Variants in PAPPA2 observed in about 807,000 individuals in gnomAD.
PAPPA2 encodes pappalysin-2.
A neutral mutation model predicts 176.4 loss-of-function variants in PAPPA2; 86 were observed. That is an observed-to-expected ratio of 0.49 (90% CI 0.41 to 0.58). PAPPA2 has a LOEUF of 0.58. PAPPA2 is among the 20% of genes least tolerant of loss of function. The pLI is 0.00. For missense variants in PAPPA2, 2,073 were observed against 2,256.9 expected (o/e 0.92, Z 1.65); for synonymous variants, 809 against 852.2 (o/e 0.95, Z 0.88).
intron 1 of PAPPA2, among the ~76,000 whole-genome samples, chr1:176,511,251 A>T (rs904098099): frequency 6.6e-6 from 1 of 152,162 alleles, no homozygotes; most frequent in African/African-American, 2.4e-5. Context: ...AGAAAAAAGG[A>T]CTTTTCAGAA....
intron 21 of PAPPA2, among the ~76,000 whole-genome samples, chr1:176,833,315 C>T (rs1667149304): frequency 6.6e-6 from 1 of 152,192 alleles, no homozygotes; most frequent in African/African-American, 2.4e-5. Flanking sequence ...CCCAAGTGAG[C>T]CAAGCTACCT....
intron 21 of PAPPA2, among the ~76,000 whole-genome samples, chr1:176,815,727 G>T (rs946756329): frequency 2.0e-5 from 3 of 152,106 alleles, no homozygotes. Context: ...ACACGTGCAA[G>T]ATCTACACTG....
At chr1:176,796,687 C>G (rs1488638167) in intron 20 of PAPPA2, among the ~76,000 whole-genome samples, 3 of 120,166 alleles carry the variant, frequency 2.5e-5, no homozygotes, top group Admixed American at 8.4e-5. Context: ...TTTTCTTTTT[C>G]TTTTCTTTCT....
intron 1 of PAPPA2, among the ~76,000 whole-genome samples, chr1:176,520,305 C>T (rs1343577787): frequency 6.6e-6 from 1 of 152,144 alleles, no homozygotes; most frequent in African/African-American, 2.4e-5. Context: ...AAATGTTCAC[C>T]CTCTTAGCTT....
At chr1:176,473,880 T>G (rs1435660115) in intron 1 of PAPPA2, among the ~76,000 whole-genome samples, 1 of 152,180 alleles carries the variant, frequency 6.6e-6, no homozygotes, top group Non-Finnish European at 1.5e-5. Flanking sequence ...CTAATCTCAT[T>G]GTGTTTTACC....
chr1:176,668,468 G>A (rs1658792472), intron 3 of PAPPA2, among the ~76,000 whole-genome samples: 1 of 152,132 alleles, frequency 6.6e-6, no homozygotes, highest in South Asian at 2.1e-4. Flanking sequence ...CATTTCTGAA[G>A]CAAGGTGCTA....
At chr1:176,572,659 A>T (rs951407887) in intron 2 of PAPPA2, among the ~76,000 whole-genome samples, 6 of 152,200 alleles carry the variant, frequency 3.9e-5, no homozygotes, top group Non-Finnish European at 8.8e-5. Flanking sequence ...AGGTATTATT[A>T]AGTGAATATG....
At position 176,547,202 on chromosome 1, in the gene PAPPA2, A is replaced by G. The variant is rs1650682900; in HGVS notation, c.-916-8205A>G. 1.3e-5 allele frequency among the ~76,000 whole-genome samples: 2 copies of G among 152,164 alleles called. 1 individual carries two copies. Among genetic ancestry groups the G allele is most frequent in the Non-Finnish European group, 2.9e-5 (2 of 68,040 alleles). On this transcript the variant is annotated intron_variant, in intron 1 of 22. Transcript: ENST00000367662. ...ATAGAAACTTTATGTCAGCCTGTTC[A>G]TATAGCTCATCTGAAAAGACTCAGC...
intron 3 of PAPPA2, among the ~76,000 whole-genome samples, chr1:176,639,863 A>G (rs984328980): frequency 1.3e-5 from 2 of 151,802 alleles, no homozygotes; most frequent in Non-Finnish European, 2.9e-5. Flanking sequence ...TGTGCTTTAC[A>G]TACAATATTT....
intron 1 of PAPPA2, among the ~76,000 whole-genome samples, chr1:176,476,597 A>G (rs1276949614): frequency 6.6e-6 from 1 of 152,216 alleles, no homozygotes; most frequent in Middle Eastern, 3.2e-3. Context: ...CTGGCCCACT[A>G]ATACAATTGC....
At chr1:176,810,360 G>A (rs144308481) in intron 21 of PAPPA2, among the ~76,000 whole-genome samples, 153 of 152,196 alleles carry the variant, frequency 1.0e-3, no homozygotes, top group Non-Finnish European at 1.6e-3. Flanking sequence ...TGGAACCAGC[G>A]ACTAGTTTCA....
chr1:176,658,708 T>C (rs965686901), intron 3 of PAPPA2, among the ~76,000 whole-genome samples: 1 of 151,554 alleles, frequency 6.6e-6, no homozygotes, highest in African/African-American at 2.4e-5. Flanking sequence ...TGTTAATGAG[T>C]AAATCCACTA....
At chr1:176,665,656 C>T (rs1439036289) in intron 3 of PAPPA2, among the ~76,000 whole-genome samples, 3 of 152,154 alleles carry the variant, frequency 2.0e-5, no homozygotes, top group Non-Finnish European at 4.4e-5. Flanking sequence ...AGGTAGAGGA[C>T]AAAATGCCAA....
At chr1:176,470,657 A>G (rs1651829513) in intron 1 of PAPPA2, among the ~76,000 whole-genome samples, 1 of 152,218 alleles carries the variant, frequency 6.6e-6, no homozygotes, top group Non-Finnish European at 1.5e-5. Context: ...GGCAACAAAA[A>G]AGAAAATTCA....
At chr1:176,639,599 C>T (rs1023266024) in intron 3 of PAPPA2, among the ~76,000 whole-genome samples, 1 of 152,070 alleles carries the variant, frequency 6.6e-6, no homozygotes, top group Non-Finnish European at 1.5e-5. Context: ...CTTTTGAAAA[C>T]AAGCCTTATT....
At position 176,475,013 on chromosome 1, in the gene PAPPA2, A is replaced by G. The variant is rs193049213; in HGVS notation, c.-917+11595A>G. The stretch of plus-strand genomic sequence containing the variant: ...ACAAAAATAGAATAAAATACAATCA[A>G]ATATAAGTGGTGGTCATTGTTGGTT... On this transcript the variant is annotated intron_variant, in intron 1 of 22. Transcript: ENST00000367662. 6.6e-5 allele frequency among the ~76,000 whole-genome samples: 10 copies of G among 152,344 alleles called. No homozygotes were observed. In the East Asian group the frequency reaches 1.9e-3, roughly 29 times the overall value.
At chr1:176,733,098 G>A (rs533259379) in intron 12 of PAPPA2, among the ~76,000 whole-genome samples, 1 of 152,262 alleles carries the variant, frequency 6.6e-6, no homozygotes, top group South Asian at 2.1e-4. Flanking sequence ...GTTTCATCCT[G>A]AAACCATCCT....
chr1:176,659,136 A>T (rs533639392), intron 3 of PAPPA2, among the ~76,000 whole-genome samples: 20 of 152,088 alleles, frequency 1.3e-4, no homozygotes, highest in African/African-American at 4.8e-4. Context: ...TATCAATGAG[A>T]TATATGACCT....
intron 2 of PAPPA2, among the ~76,000 whole-genome samples, chr1:176,587,813 G>A (rs1653413320): frequency 1.3e-5 from 2 of 152,030 alleles, no homozygotes; most frequent in South Asian, 4.1e-4. Flanking sequence ...GTTGATGAGA[G>A]CAGCAAACCA....
Sources: gnomAD v4.1 joint callset for allele counts (sites outside exome capture counted in the v4.1 genomes callset) on GRCh38, gnomAD v4.1.1 for gene constraint, MANE v1.5 for transcripts, NCBI Gene and HGNC (gene_info 2026-07-23, HGNC 2026-07-21) for gene names.